The following NRXN1 variants were observed in gnomAD, a reference collection of about 807,000 sequenced individuals.
The protein encoded by NRXN1 is neurexin 1.
In NRXN1, 39 loss-of-function variants were observed where a neutral mutation model predicts 150.9. That is an observed-to-expected ratio of 0.26 (90% CI 0.20 to 0.34). NRXN1 has a LOEUF of 0.34. Among genes scored for constraint, NRXN1 ranks in the 10% least tolerant of loss-of-function variants. The pLI, the probability that NRXN1 is intolerant of heterozygous loss-of-function variation, is 1.00. For synonymous variants in NRXN1, 924 were observed against 757.0 expected (o/e 1.22, Z -3.62); for missense variants, 1,815 against 1,949.9 (o/e 0.93, Z 1.30).
intron 18 of NRXN1, among the ~76,000 whole-genome samples, chr2:50,129,463 A>T (rs528251529): frequency 2.2e-4 from 33 of 152,204 alleles, no homozygotes; most frequent in Non-Finnish European, 3.7e-4. Flanking sequence ...ATTAAATGTG[A>T]GTTTATATAG....
chr2:50,930,944 G>A (rs1257388791), intron 2 of NRXN1, among the ~76,000 whole-genome samples: 1 of 152,124 alleles, frequency 6.6e-6, no homozygotes, highest in African/African-American at 2.4e-5. Context: ...AGGATACAGA[G>A]CAAGAAAGCT....
At chr2:50,271,635 A>T (rs1206118536) in intron 17 of NRXN1, among the ~76,000 whole-genome samples, 1 of 152,190 alleles carries the variant, frequency 6.6e-6, no homozygotes, top group Non-Finnish European at 1.5e-5. Context: ...CAAAAATGTA[A>T]CTCAAAGTAC....
At chr2:50,649,087 C>T (rs1685214288) in intron 5 of NRXN1, among the ~76,000 whole-genome samples, 1 of 151,882 alleles carries the variant, frequency 6.6e-6, no homozygotes, top group African/African-American at 2.4e-5. Flanking sequence ...ATTTAAAATC[C>T]ACTCTGCCTG....
intron 17 of NRXN1, among the ~76,000 whole-genome samples, chr2:50,309,380 T>C (rs900523100): frequency 2.0e-5 from 3 of 152,168 alleles, no homozygotes; most frequent in African/African-American, 7.2e-5. Flanking sequence ...ACTAATTAAT[T>C]GTGAAGGCCT....
intron 5 of NRXN1, among the ~76,000 whole-genome samples, chr2:50,772,744 G>A (rs1011391456): frequency 3.3e-5 from 5 of 152,076 alleles, no homozygotes; most frequent in African/African-American, 1.2e-4. Context: ...ATGGGCCAAT[G>A]TCCACACAGA....
At chr2:51,030,400 C>T (rs1185303666) in intron 1 of NRXN1, among the ~76,000 whole-genome samples, 1 of 152,026 alleles carries the variant, frequency 6.6e-6, no homozygotes, top group Non-Finnish European at 1.5e-5. Flanking sequence ...GCTGCTGCTT[C>T]TCCATGGGGG....
At chr2:49,948,771 A>G (rs17039521) in intron 21 of NRXN1, among the ~76,000 whole-genome samples, 1,804 of 152,102 alleles carry the variant, frequency 0.012, 45 homozygotes, top group African/African-American at 0.041. Context: ...AATCAATTCT[A>G]TTCTTTAGTA....
chr2:50,749,100 G>A (rs1700307536), intron 5 of NRXN1, among the ~76,000 whole-genome samples: 1 of 152,032 alleles, frequency 6.6e-6, no homozygotes, highest in African/African-American at 2.4e-5. Context: ...TTCTCAAACT[G>A]AAACGTATAA....
chr2:50,589,132 G>A (rs1447765984), intron 8 of NRXN1: 1 of 152,296 alleles, frequency 6.6e-6, no homozygotes, highest in African/African-American at 2.4e-5. Flanking sequence ...CAAAGAAGGT[G>A]GTATCAAGGT....
At chr2:49,995,264 AAATG>A (rs1196894209) in intron 21 of NRXN1, among the ~76,000 whole-genome samples, 1 of 152,200 alleles carries the variant, frequency 6.6e-6, no homozygotes, top group African/African-American at 2.4e-5. Flanking sequence ...TAACTAATTG[AAATG>A]AATGTTTTAT....
At chr2:50,214,693 A>C (rs2063272825) in intron 18 of NRXN1, among the ~76,000 whole-genome samples, 1 of 151,994 alleles carries the variant, frequency 6.6e-6, no homozygotes, top group Non-Finnish European at 1.5e-5. Context: ...TTCTCTCTAG[A>C]TTTCATGCAG....
chr2:50,205,412 G>T (rs920105523), intron 18 of NRXN1, among the ~76,000 whole-genome samples: 1 of 151,978 alleles, frequency 6.6e-6, no homozygotes, highest in Non-Finnish European at 1.5e-5. Context: ...AAATACTAAT[G>T]ATCAACAGAA....
At chr2:50,244,432 A>G (rs1212359013) in intron 17 of NRXN1, among the ~76,000 whole-genome samples, 1 of 151,916 alleles carries the variant, frequency 6.6e-6, no homozygotes, top group Non-Finnish European at 1.5e-5. Context: ...TCAATGATCA[A>G]TGATTGATAG....
chr2:50,758,662 T>G (rs1051515676), intron 5 of NRXN1, among the ~76,000 whole-genome samples: 19 of 152,018 alleles, frequency 1.2e-4, no homozygotes, highest in Admixed American at 1.1e-3. Flanking sequence ...CATCCAGAAA[T>G]GAATTCGACT....
rs550240995 is a variant in NRXN1 at position 50,170,762 on chromosome 2, T to C, written c.3546+66027A>G. ...TGAGTCTCTCTCTGTCTGTCGTGTGTGTGTGTGTGTGTGTGTGTGTGTGTG... is the reference window on the plus strand; with the variant it reads ...TGAGTCTCTCTCTGTCTGTCGTGTGCGTGTGTGTGTGTGTGTGTGTGTGTG... On this transcript the variant is annotated intron_variant, in intron 18 of 22. Coordinates refer to ENST00000401669, the MANE Select transcript of NRXN1 (RefSeq NM_001330078.2). Among the ~76,000 whole-genome samples the C allele has an allele frequency of 5.3e-3, 786 of 147,928 alleles. 3 individuals carry two copies. The highest frequency in any genetic ancestry group is 0.018 in the African/African-American group (708 of 39,978).
intron 12 of NRXN1, among the ~76,000 whole-genome samples, chr2:50,522,024 CAGAA>C (rs1377159483): frequency 6.6e-6 from 1 of 151,334 alleles, no homozygotes; most frequent in Non-Finnish European, 1.5e-5. Flanking sequence ...AAAGGGATGA[CAGAA>C]AGAAAGAGAG....
At chr2:50,279,671 G>A (rs920252140) in intron 17 of NRXN1, among the ~76,000 whole-genome samples, 5 of 152,010 alleles carry the variant, frequency 3.3e-5, no homozygotes, top group African/African-American at 1.2e-4. Flanking sequence ...ACTAAAGACA[G>A]CCACAAAGCT....
At chr2:50,860,634 G>T (rs1675992291) in intron 5 of NRXN1, among the ~76,000 whole-genome samples, 1 of 152,038 alleles carries the variant, frequency 6.6e-6, no homozygotes, top group African/African-American at 2.4e-5. Flanking sequence ...GTCAGGCAGA[G>T]GTAGTCCTAG....
At chr2:49,938,550 A>G (rs6758276) in intron 22 of NRXN1, among the ~76,000 whole-genome samples, 32,450 of 152,050 alleles carry the variant, frequency 0.21, 3,673 homozygotes, top group East Asian at 0.3. Flanking sequence ...GAGATATTTT[A>G]TTATTCAATG....
Sources: gnomAD v4.1 joint callset for allele counts (sites outside exome capture counted in the v4.1 genomes callset) on GRCh38, gnomAD v4.1.1 for gene constraint, MANE v1.5 for transcripts, NCBI Gene and HGNC (gene_info 2026-07-23, HGNC 2026-07-21) for gene names.